The following RCC2 variants were observed in gnomAD, a reference collection of about 807,000 sequenced individuals.
RCC2 encodes the protein regulator of chromosome condensation 2, also known as protein RCC2.
In RCC2, 19 loss-of-function variants were observed where a neutral mutation model predicts 64.1. The observed-to-expected ratio is 0.30, with a 90% CI of 0.21 to 0.44. RCC2 has a LOEUF of 0.44. Among genes scored for constraint, RCC2 ranks in the 20% least tolerant of loss-of-function variants. The pLI, the probability that RCC2 is intolerant of heterozygous loss-of-function variation, is 1.00. For synonymous variants in RCC2, 325 were observed against 279.6 expected (o/e 1.16, Z -1.62); for missense variants, 508 against 710.4 (o/e 0.72, Z 3.24).
intron 1 of RCC2, among the ~76,000 whole-genome samples, chr1:17,438,831 G>A (rs541283257): frequency 6.6e-6 from 1 of 152,190 alleles, no homozygotes; most frequent in African/African-American, 2.4e-5. Flanking sequence ...TTGCAACCTC[G>A]CCCCCCAAAA....
At chr1:17,416,272 C>T (rs562386094) in intron 8 of RCC2, among the ~76,000 whole-genome samples, 13 of 152,174 alleles carry the variant, frequency 8.5e-5, no homozygotes, top group African/African-American at 2.9e-4. Flanking sequence ...ATTTAAATCA[C>T]GGGAGAAGTT....
Position 17,408,790 on chromosome 1 carries a change from A to T in RCC2, c.*300T>A, listed in dbSNP as rs1356418968. On this transcript the variant is annotated 3_prime_UTR_variant, in exon 13 of 13. Coordinates refer to ENST00000375436, the MANE Select transcript of RCC2 (RefSeq NM_018715.4). ...CAGGAGAGGAAGAAAGAAAAAACTT[A>T]AAAAAAAAAAAAACCTAGATTGCTC... 2.3e-5 allele frequency: 4 copies of T among 176,272 alleles called. No homozygotes were observed. Among genetic ancestry groups the T allele is most frequent in the East Asian group, 1.2e-4 (1 of 8,628 alleles). 10.9% of individuals were successfully genotyped at this position (176,272 alleles called of 1,614,324 possible). A position where few individuals can be genotyped will look rare whatever the true frequency, so the allele number is the denominator to read the frequency against.
At chr1:17,428,738 C>G (rs556902014) in intron 3 of RCC2, among the ~76,000 whole-genome samples, 2 of 152,190 alleles carry the variant, frequency 1.3e-5, no homozygotes, top group African/African-American at 2.4e-5. Context: ...AATTTTGACA[C>G]CTGACATTTG....
chr1:17,434,727 G>T (rs1209418240), intron 2 of RCC2, among the ~76,000 whole-genome samples: 1 of 152,224 alleles, frequency 6.6e-6, no homozygotes, highest in African/African-American at 2.4e-5. Flanking sequence ...GTCAAGAGAT[G>T]AACTGGAGGA....
At chr1:17,425,788 G>A in intron 3 of RCC2, 104 bp from the exon 4 acceptor site, 8 of 1,214,720 alleles carry the variant, frequency 6.6e-6, no homozygotes, top group Non-Finnish European at 9.3e-6. Flanking sequence ...ACCAGGGACA[G>A]GTGTTCCTCG....
chr1:17,425,864 G>T (rs544499674), intron 3 of RCC2, among the ~76,000 whole-genome samples, 180 bp from the exon 4 acceptor site: 30 of 152,306 alleles, frequency 2.0e-4, no homozygotes, highest in East Asian at 1.9e-4. Flanking sequence ...GAATCTCTGC[G>T]ATGCCTCTGA....
intron 2 of RCC2, among the ~76,000 whole-genome samples, chr1:17,430,295 T>C (rs1191853854): frequency 2.0e-5 from 3 of 151,860 alleles, no homozygotes; most frequent in Non-Finnish European, 4.4e-5. Context: ...GGCGGGCAGA[T>C]TGCTTGAGCT....
chr1:17,409,933 T>C (rs781111347), intron 12 of RCC2, 41 bp downstream of exon 12: 145 of 1,522,552 alleles, frequency 9.5e-5, no homozygotes, highest in Non-Finnish European at 1.3e-4. Flanking sequence ...TACCACTGGG[T>C]ACGGACACGT....
chr1:17,433,382 G>A (rs1001949292), intron 2 of RCC2, among the ~76,000 whole-genome samples: 1 of 152,220 alleles, frequency 6.6e-6, no homozygotes, highest in African/African-American at 2.4e-5. Flanking sequence ...ACAGCCAATC[G>A]TGGGAGAGAC....
intron 4 of RCC2, among the ~76,000 whole-genome samples, chr1:17,424,437 C>T (rs1570192314): frequency 6.6e-6 from 1 of 152,230 alleles, no homozygotes; most frequent in East Asian, 1.9e-4. Flanking sequence ...TGTTGGAACA[C>T]AAAGTAGGAG....
At chr1:17,432,843 G>A (rs374685597) in intron 2 of RCC2, among the ~76,000 whole-genome samples, 1 of 152,090 alleles carries the variant, frequency 6.6e-6, no homozygotes, top group Admixed American at 6.5e-5. Flanking sequence ...CTGTAGTCCC[G>A]GCTACTCGGG....
intron 6 of RCC2, 98 bp downstream of exon 6, chr1:17,422,105 G>C (rs768493181): frequency 4.0e-5 from 31 of 772,628 alleles, no homozygotes; most frequent in Non-Finnish European, 6.1e-5. Context: ...GTTTTTACAA[G>C]GGGTAAATTA....
At chr1:17,436,222 C>G (rs1383088683) in intron 2 of RCC2, among the ~76,000 whole-genome samples, 1 of 152,174 alleles carries the variant, frequency 6.6e-6, no homozygotes, top group East Asian at 1.9e-4. Flanking sequence ...AAACATGCAA[C>G]CCAACACAGG....
intron 1 of RCC2, among the ~76,000 whole-genome samples, chr1:17,439,003 A>T (rs1381815804): frequency 2.4e-5 from 3 of 124,296 alleles, no homozygotes; most frequent in African/African-American, 9.6e-5. Context: ...CCCCAAACCC[A>T]CTCATGGCAT....
Position 17,439,607 on chromosome 1 carries a change from G to C in RCC2, c.-71C>G, listed in dbSNP as rs2075784690. The C allele has an allele frequency of 1.3e-5, 2 of 149,726 alleles. No homozygotes were observed. Among genetic ancestry groups the C allele is most frequent in the African/African-American group, 4.9e-5 (2 of 41,220 alleles). 9.3% of individuals were successfully genotyped at this position (149,726 alleles called of 1,614,324 possible). On this transcript the variant is annotated 5_prime_UTR_variant, in exon 1 of 13. Transcript: ENST00000375436. Reference sequence around the variant, plus strand: ...AGAGAAGCAACTAAAAGACGGATCGGAGGGCTTTTTTTTTTCCGGCCCAGA... The same window carrying C: ...AGAGAAGCAACTAAAAGACGGATCGCAGGGCTTTTTTTTTTCCGGCCCAGA...
At position 17,408,742 on chromosome 1, in the gene RCC2, AG is replaced by A. The variant is rs2100347117; in HGVS notation, c.*347del. ...ATCACGATGCTAATTGTAACTGGAAAGGGGTGTTTTGGGGAGTGTATTCAGG... is the reference window on the plus strand; with the variant it reads ...ATCACGATGCTAATTGTAACTGGAAAGGGTGTTTTGGGGAGTGTATTCAGG... On this transcript the variant is annotated 3_prime_UTR_variant, in exon 13 of 13. Coordinates refer to ENST00000375436, the MANE Select transcript of RCC2 (RefSeq NM_018715.4). 1 of 202,542 alleles carries A rather than the reference AG, an allele frequency of 4.9e-6. No individual in the cohort carries two copies. Among genetic ancestry groups the A allele is most frequent in the South Asian group, 1.2e-4 (1 of 8,532 alleles). 12.5% of individuals were successfully genotyped at this position (202,542 alleles called of 1,614,324 possible). A position where few individuals can be genotyped will look rare whatever the true frequency, so the allele number is the denominator to read the frequency against.
chr1:17,421,973 C>T (rs1186654651), intron 6 of RCC2, among the ~76,000 whole-genome samples: 1 of 151,798 alleles, frequency 6.6e-6, no homozygotes, highest in Non-Finnish European at 1.5e-5. Context: ...TGCAGTGAGC[C>T]GAGATTGCGC....
chr1:17,422,475 G>A (rs1486434477), intron 5 of RCC2, among the ~76,000 whole-genome samples, 184 bp from the exon 6 acceptor site: 1 of 152,236 alleles, frequency 6.6e-6, no homozygotes, highest in Non-Finnish European at 1.5e-5. Flanking sequence ...GAAACTGGGT[G>A]TGCAGAGAAA....
intron 9 of RCC2, 43 bp downstream of exon 9, chr1:17,413,494 C>G (rs563277202): frequency 1.3e-6 from 2 of 1,596,414 alleles, no homozygotes; most frequent in Non-Finnish European, 1.7e-6. Flanking sequence ...CTACACGGTT[C>G]CGCACCAGAG....
Sources: gnomAD v4.1 joint callset for allele counts (sites outside exome capture counted in the v4.1 genomes callset) on GRCh38, gnomAD v4.1.1 for gene constraint, MANE v1.5 for transcripts, NCBI Gene and HGNC (gene_info 2026-07-23, HGNC 2026-07-21) for gene names.